Variants in EIF4E3 observed in about 807,000 individuals in gnomAD.
The protein encoded by EIF4E3 is eukaryotic translation initiation factor 4E type 3.
Under a neutral mutation model 31.7 loss-of-function variants are expected in EIF4E3, and 26 were observed. That is an observed-to-expected ratio of 0.82 (90% CI 0.60 to 1.14). The LOEUF (loss-of-function observed/expected upper bound fraction) is 1.14, where lower values mean the gene tolerates loss of function less well. Among genes scored for constraint, EIF4E3 ranks in the 50% most tolerant of loss-of-function variants. The probability of loss-of-function intolerance (pLI) is 0.00; values close to 1 mark genes in which losing one functional copy is unlikely to be tolerated. For synonymous variants in EIF4E3, 128 were observed against 107.7 expected (o/e 1.19, Z -1.17); for missense variants, 304 against 270.9 (o/e 1.12, Z -0.86).
At chr3:71,752,864 C>A (rs1022439153) in intron 1 of EIF4E3, among the ~76,000 whole-genome samples, 1 of 152,200 alleles carries the variant, frequency 6.6e-6, no homozygotes, top group African/African-American at 2.4e-5. Flanking sequence ...ATGCAAGGTC[C>A]TGCGAGACAA....
intron 1 of EIF4E3, among the ~76,000 whole-genome samples, chr3:71,739,965 T>C (rs2049803306): frequency 6.6e-6 from 1 of 151,684 alleles, no homozygotes; most frequent in African/African-American, 2.4e-5. Flanking sequence ...GAAATGAGAA[T>C]ATGCCACTGT....
intron 1 of EIF4E3, among the ~76,000 whole-genome samples, chr3:71,746,831 T>C (rs1420883267): frequency 1.3e-5 from 2 of 152,210 alleles, no homozygotes; most frequent in African/African-American, 4.8e-5. Flanking sequence ...CAACTTTCTA[T>C]CACTATGGAT....
At position 71,734,791 on chromosome 3, in the gene EIF4E3, T is replaced by G. The variant is rs145751618; in HGVS notation, c.-290-6168A>C. Among the ~76,000 whole-genome samples, 45 of 152,336 alleles carry G rather than the reference T, an allele frequency of 3.0e-4. No homozygotes were observed. In the East Asian group the frequency reaches 8.3e-3, roughly 28 times the overall value. Reference sequence around the variant, plus strand: ...AAGTTGTTGCATCATCTCTGTTGATTCAATTTAACTGGAAGATATCAGAAA... The same window carrying G: ...AAGTTGTTGCATCATCTCTGTTGATGCAATTTAACTGGAAGATATCAGAAA... On this transcript the variant is annotated intron_variant, in intron 1 of 7. Coordinates refer to the EIF4E3 transcript ENST00000295612.
chr3:71,691,917 T>A (rs6767160), intron 5 of EIF4E3, among the ~76,000 whole-genome samples: 1 of 152,084 alleles, frequency 6.6e-6, no homozygotes, highest in Non-Finnish European at 1.5e-5. Context: ...CTTTCAAGAG[T>A]GGCCATGAAG....
At chr3:71,716,020 C>T (rs2049458985) in intron 1 of EIF4E3, among the ~76,000 whole-genome samples, 1 of 152,146 alleles carries the variant, frequency 6.6e-6, no homozygotes, top group African/African-American at 2.4e-5. Flanking sequence ...TGTCCCATAG[C>T]ACATCTTGTG....
chr3:71,753,982 G>T (rs1211631328), upstream of EIF4E3: 1 of 1,051,340 alleles, frequency 9.5e-7, no homozygotes, highest in Non-Finnish European at 1.1e-6. Flanking sequence ...GCTCGGGCCG[G>T]GCGGCCTGCG....
At chr3:71,700,486 C>T (rs953004514) in intron 2 of EIF4E3, among the ~76,000 whole-genome samples, 17 of 151,934 alleles carry the variant, frequency 1.1e-4, no homozygotes, top group South Asian at 8.3e-4. Context: ...TGGTGCCAGA[C>T]GCCTATAATC....
intron 1 of EIF4E3, among the ~76,000 whole-genome samples, chr3:71,734,471 A>T (rs2049740949): frequency 6.6e-6 from 1 of 152,176 alleles, no homozygotes; most frequent in African/African-American, 2.4e-5. Context: ...TATTGGACTA[A>T]AATATTTTAT....
chr3:71,733,843 A>G (rs1005542082), intron 1 of EIF4E3, among the ~76,000 whole-genome samples: 1 of 152,220 alleles, frequency 6.6e-6, no homozygotes, highest in Admixed American at 6.5e-5. Flanking sequence ...AAAGGAAAAT[A>G]AAGCAATTCT....
rs1030958748 is a variant in EIF4E3 at position 71,677,390 on chromosome 3, C to T, written c.*7292G>A. 1 of 151,946 alleles carries T rather than the reference C, an allele frequency of 6.6e-6. No homozygotes were observed. Among genetic ancestry groups the T allele is most frequent in the African/African-American group, 2.4e-5 (1 of 41,336 alleles). 9.4% of individuals were successfully genotyped at this position (151,946 alleles called of 1,614,324 possible). A position where few individuals can be genotyped will look rare whatever the true frequency, so the allele number is the denominator to read the frequency against. ...AGTTCTTTAATAGCAGTTACTGCAG[C>T]GAAAGGATCACTGAGGAAGAAAAGG... On this transcript the variant is annotated 3_prime_UTR_variant, in exon 7 of 7. Coordinates refer to ENST00000425534, the MANE Select transcript of EIF4E3 (RefSeq NM_001134651.2).
chr3:71,738,978 GTATATATATATATATATATA>G (rs56982495), intron 1 of EIF4E3, among the ~76,000 whole-genome samples: 1 of 95,818 alleles, frequency 1.0e-5, no homozygotes, highest in East Asian at 3.2e-4. Flanking sequence ...AAATTGAACA[GTATATATATATATATATATA>G]TATATATATG....
At chr3:71,699,303 T>C (rs140181434) in intron 3 of EIF4E3, among the ~76,000 whole-genome samples, 185 of 152,328 alleles carry the variant, frequency 1.2e-3, no homozygotes, top group African/African-American at 4.3e-3. Context: ...TGTCATTTGC[T>C]ACTAATCAAG....
chr3:71,668,445 C>G, the EIF4E3 span, among the ~76,000 whole-genome samples: 3 of 152,074 alleles, frequency 2.0e-5, no homozygotes, highest in African/African-American at 7.2e-5. Context: ...AACCTATCAT[C>G]AGAGTGAACA....
At chr3:71,665,163 T>C in the EIF4E3 span, among the ~76,000 whole-genome samples, 271 of 152,308 alleles carry the variant, frequency 1.8e-3, 1 homozygote, top group Non-Finnish European at 1.9e-3. Context: ...GCTACTGAAA[T>C]TGATTTGGTA....
At chr3:71,725,538 G>C (rs1345138800), upstream of EIF4E3, among the ~76,000 whole-genome samples, 21 of 150,180 alleles carry the variant, frequency 1.4e-4, no homozygotes, top group Admixed American at 6.6e-5. This position sits in a 1 kb window ranked among gnomAD's most constrained non-coding sequence, Gnocchi z 6.1. Flanking sequence ...GGAGCCGCGC[G>C]GAGGGGCCGT....
the EIF4E3 span, among the ~76,000 whole-genome samples, chr3:71,669,912 G>A: frequency 3.3e-5 from 5 of 152,280 alleles, no homozygotes; most frequent in East Asian, 9.7e-4. Flanking sequence ...CACAGCTCCT[G>A]TCCTGGAGAC....
intron 3 of EIF4E3, 76 bp from the exon 4 acceptor site, chr3:71,696,596 C>A: frequency 1.3e-6 from 2 of 1,533,970 alleles, no homozygotes; most frequent in East Asian, 2.3e-5. Context: ...AATATCTCTT[C>A]ATACATTTAG....
chr3:71,741,139 A>C (rs1314404771), intron 1 of EIF4E3, among the ~76,000 whole-genome samples: 2 of 152,044 alleles, frequency 1.3e-5, no homozygotes, highest in Non-Finnish European at 2.9e-5. Context: ...CATCTCAAAT[A>C]AAATAAAATA....
In EIF4E3 at chr3:71,693,961, A is replaced by T. The variant is rs182463740; in HGVS notation, c.406-20T>A. 378 of 1,548,568 alleles carry T rather than the reference A, an allele frequency of 2.4e-4. 2 individuals carry two copies. In the Middle Eastern group the frequency reaches 2.9e-3, roughly 12 times the overall value. On this transcript the variant is annotated intron_variant, in intron 4 of 6. Transcript: ENST00000425534. ...TGTGGACTGATATGGGAAAAGAATA[A>T]AAAACAAAACAAACAAAATACAGAT...
Sources: gnomAD v4.1 joint callset for allele counts (sites outside exome capture counted in the v4.1 genomes callset) on GRCh38, gnomAD v4.1.1 for gene constraint, Gnocchi (gnomAD v3.1) non-coding constraint, MANE v1.5 for transcripts, NCBI Gene and HGNC (gene_info 2026-07-23, HGNC 2026-07-21) for gene names.